Variants in KIAA1549L observed in about 807,000 individuals in gnomAD.
The protein encoded by KIAA1549L is KIAA1549 like.
In KIAA1549L, 88 loss-of-function variants were observed where a neutral mutation model predicts 160.7. The ratio of observed to expected loss-of-function variants is 0.55; its 90% CI spans 0.46 to 0.65. The LOEUF (loss-of-function observed/expected upper bound fraction) is 0.65. Among genes scored for constraint, KIAA1549L ranks in the 30% least tolerant of loss-of-function variants. The pLI is 0.00. For synonymous variants in KIAA1549L, 950 were observed against 976.7 expected (o/e 0.97, Z 0.51); for missense variants, 2,258 against 2,437.5 (o/e 0.93, Z 1.55).
At chr11:33,454,818 G>C (rs1015642557) in intron 1 of KIAA1549L, among the ~76,000 whole-genome samples, 1 of 152,152 alleles carries the variant, frequency 6.6e-6, no homozygotes, top group African/African-American at 2.4e-5. Context: ...GGCTGGGCGC[G>C]GTGGCTCACG....
At chr11:33,653,479 A>G (rs778883069) in intron 17 of KIAA1549L, among the ~76,000 whole-genome samples, 32 of 152,290 alleles carry the variant, frequency 2.1e-4, no homozygotes, top group Admixed American at 5.2e-4. Flanking sequence ...GCCATTTGTT[A>G]GTGTCATTGC....
intron 9 of KIAA1549L, among the ~76,000 whole-genome samples, chr11:33,569,061 G>A (rs1196781355): frequency 1.3e-5 from 2 of 152,108 alleles, no homozygotes; most frequent in Non-Finnish European, 2.9e-5. Flanking sequence ...TCCCATTCTT[G>A]TATTACCTCC....
intron 9 of KIAA1549L, among the ~76,000 whole-genome samples, chr11:33,572,325 C>T (rs750208872): frequency 5.3e-5 from 8 of 152,214 alleles, no homozygotes; most frequent in Non-Finnish European, 1.2e-4. Context: ...ACATGAGCCA[C>T]TGTGCCTGGC....
intron 9 of KIAA1549L, among the ~76,000 whole-genome samples, chr11:33,572,290 G>C (rs1307352624): frequency 6.6e-6 from 1 of 152,146 alleles, no homozygotes; most frequent in Non-Finnish European, 1.5e-5. Context: ...ACCCACCTTG[G>C]CCTCTGAAAG....
At chr11:33,408,255 T>G (rs563465704) in intron 1 of KIAA1549L, among the ~76,000 whole-genome samples, 1 of 152,136 alleles carries the variant, frequency 6.6e-6, no homozygotes, top group Non-Finnish European at 1.5e-5. Context: ...AGCTAACTGG[T>G]GCTCTGGGCA....
At chr11:33,409,262 G>C (rs1244592152) in intron 1 of KIAA1549L, among the ~76,000 whole-genome samples, 1 of 152,164 alleles carries the variant, frequency 6.6e-6, no homozygotes, top group African/African-American at 2.4e-5. Flanking sequence ...GTATACAAAA[G>C]TACTGGATTT....
intron 1 of KIAA1549L, among the ~76,000 whole-genome samples, chr11:33,476,078 A>C (rs1374153849): frequency 2.0e-5 from 3 of 152,226 alleles, no homozygotes; most frequent in African/African-American, 4.8e-5. Context: ...TCTGGGCAAT[A>C]GCCCGTGGGA....
Position 33,544,165 on chromosome 11 carries a change from G to C in KIAA1549L, c.2602G>C (p.Gly868Arg). The C allele has an allele frequency of 5.0e-6, 8 of 1,613,976 alleles. No homozygotes were observed. The highest frequency in any genetic ancestry group is 6.8e-6 in the Non-Finnish European group (8 of 1,179,896). The change falls in exon 2 of 21, where the codon GGT (glycine) becomes CGT (arginine). Residue 868 changes from glycine to arginine, a missense_variant. Coordinates refer to ENST00000658780, the MANE Select transcript of KIAA1549L (RefSeq NM_012194.3). ...QEMLSDGTDT[G>R]SEISSDINSS... is the part of the protein sequence containing the mutation. ...AATGCTTTCAGATGGAACAGATACAGGTTCTGAAATTTCCAGTGACATCAA... is the reference window on the plus strand; with the variant it reads ...AATGCTTTCAGATGGAACAGATACACGTTCTGAAATTTCCAGTGACATCAA...
chr11:33,397,722 A>T (rs1014670659), intron 1 of KIAA1549L, among the ~76,000 whole-genome samples: 4 of 95,072 alleles, frequency 4.2e-5, no homozygotes, highest in East Asian at 2.4e-4. Context: ...ACACACACAC[A>T]CACACACACA....
intron 1 of KIAA1549L, among the ~76,000 whole-genome samples, chr11:33,406,909 T>C (rs1389712628): frequency 2.6e-5 from 4 of 152,158 alleles, no homozygotes; most frequent in Non-Finnish European, 4.4e-5. Flanking sequence ...TCCTGTTGCC[T>C]GCTGCTGGAG....
intron 1 of KIAA1549L, among the ~76,000 whole-genome samples, chr11:33,448,579 C>G (rs544971960): frequency 2.4e-4 from 37 of 152,198 alleles, no homozygotes; most frequent in African/African-American, 7.9e-4. Flanking sequence ...TAGGTTGATT[C>G]AGCTATTGCT....
intron 6 of KIAA1549L, among the ~76,000 whole-genome samples, chr11:33,552,617 G>A (rs1178579765): frequency 6.7e-6 from 1 of 148,286 alleles, no homozygotes; most frequent in Non-Finnish European, 1.5e-5. Context: ...TTATGCATTG[G>A]CTTATATTCC....
At chr11:33,618,774 G>C in intron 16 of KIAA1549L, 112 bp downstream of exon 16, 1 of 1,056,152 alleles carries the variant, frequency 9.5e-7, no homozygotes, top group African/African-American at 1.6e-5. Context: ...ATTTTAAAAA[G>C]CACTAAAATG....
chr11:33,488,814 C>T (rs1189935849), intron 1 of KIAA1549L, among the ~76,000 whole-genome samples: 3 of 152,160 alleles, frequency 2.0e-5, no homozygotes, highest in Non-Finnish European at 4.4e-5. Context: ...GAGTTTTATT[C>T]TTATTTCTAT....
rs149848060 is a variant in KIAA1549L, at chr11:33,573,730, G to T, written c.4231-972G>T. On this transcript the variant is annotated intron_variant, in intron 9 of 20. Transcript: ENST00000658780. ...GATTTGTCCATTATAACTGCAAAAAGTTGATAACCAATGTTCGATAATCAA... is the reference window on the plus strand; with the variant it reads ...GATTTGTCCATTATAACTGCAAAAATTTGATAACCAATGTTCGATAATCAA... 1.2e-3 allele frequency among the ~76,000 whole-genome samples: 187 copies of T among 152,248 alleles called. 1 individual carries two copies. Among genetic ancestry groups the T allele is most frequent in the African/African-American group, 4.0e-3 (167 of 41,558 alleles).
chr11:33,650,310 A>C (rs1221519948), intron 17 of KIAA1549L, among the ~76,000 whole-genome samples: 1 of 152,254 alleles, frequency 6.6e-6, no homozygotes, highest in Non-Finnish European at 1.5e-5. Context: ...CAGTTGGTAC[A>C]GCAAGGCTGT....
chr11:33,393,555 G>T (rs932905659), intron 1 of KIAA1549L, among the ~76,000 whole-genome samples: 3 of 152,208 alleles, frequency 2.0e-5, no homozygotes, highest in Non-Finnish European at 4.4e-5. Context: ...ATGTCTACTA[G>T]AAGAAACAAT....
At chr11:33,415,544 A>C (rs1159967494) in intron 1 of KIAA1549L, among the ~76,000 whole-genome samples, 1 of 152,162 alleles carries the variant, frequency 6.6e-6, no homozygotes, top group Non-Finnish European at 1.5e-5. Context: ...GCGTGAACTC[A>C]AACACTGCTC....
chr11:33,413,909 GGT>G (rs1850834185), intron 1 of KIAA1549L, among the ~76,000 whole-genome samples: 2 of 152,116 alleles, frequency 1.3e-5, no homozygotes, highest in Admixed American at 6.5e-5. Context: ...CTCTGGTGAA[GGT>G]GTTCACATTC....
Sources: gnomAD v4.1 joint callset for allele counts (sites outside exome capture counted in the v4.1 genomes callset) on GRCh38, gnomAD v4.1.1 for gene constraint, MANE v1.5 for transcripts, NCBI Gene and HGNC (gene_info 2026-07-23, HGNC 2026-07-21) for gene names.